The following TEX9 variants were observed in gnomAD, a reference collection of about 807,000 sequenced individuals.
TEX9 encodes testis expressed 9, also known as testis-expressed protein 9.
A neutral mutation model predicts 59.6 loss-of-function variants in TEX9; 74 were observed. The observed-to-expected ratio is 1.24, with a 90% CI of 1.03 to 1.51. The LOEUF is 1.51. Among genes scored for constraint, TEX9 ranks in the 40% most tolerant of loss-of-function variants. The pLI, the probability that TEX9 is intolerant of heterozygous loss-of-function variation, is 0.00. For missense variants in TEX9, 522 were observed against 447.8 expected, an observed-to-expected ratio of 1.17 and a Z score of -1.49; for synonymous variants, 186 against 152.2, an observed-to-expected ratio of 1.22 and a Z score of -1.64.
intron 1 of TEX9, among the ~76,000 whole-genome samples, chr15:56,284,112 G>C (rs2044883923): frequency 6.6e-6 from 1 of 152,142 alleles, no homozygotes; most frequent in Admixed American, 6.5e-5. Context: ...AATGTGTCAA[G>C]TGCCCTAAAA....
intron 1 of TEX9, among the ~76,000 whole-genome samples, chr15:56,303,781 A>G (rs2045415350): frequency 6.6e-6 from 1 of 152,166 alleles, no homozygotes; most frequent in African/African-American, 2.4e-5. Flanking sequence ...AAAAGTGAGA[A>G]GACCCAAATA....
intron 1 of TEX9, among the ~76,000 whole-genome samples, chr15:56,318,533 A>G (rs2045830313): frequency 6.6e-6 from 1 of 152,080 alleles, no homozygotes; most frequent in Non-Finnish European, 1.5e-5. Flanking sequence ...AAAATTACTG[A>G]TGAGGTAAGA....
intron 9 of TEX9, among the ~76,000 whole-genome samples, chr15:56,401,387 A>G (rs556509387): frequency 5.9e-5 from 9 of 152,148 alleles, no homozygotes; most frequent in African/African-American, 2.2e-4. Flanking sequence ...ACAAAGATCA[A>G]AAGAGAAAAG....
At chr15:56,380,310 A>G (rs2047666450) in intron 3 of TEX9, among the ~76,000 whole-genome samples, 1 of 152,154 alleles carries the variant, frequency 6.6e-6, no homozygotes, top group Non-Finnish European at 1.5e-5. Flanking sequence ...TACAAACTCT[A>G]CACTTTACTT....
Position 56,309,693 on chromosome 15 carries a change from GTTTTTTT to G in TEX9, c.-106-63723_-106-63717del, listed in dbSNP as rs60648387. Among the ~76,000 whole-genome samples the G allele has an allele frequency of 9.3e-3, 568 of 60,786 alleles. 10 individuals are homozygous for G. Among genetic ancestry groups the G allele is most frequent in the Middle Eastern group, 0.04 (2 of 50 alleles). 39.9% of individuals were successfully genotyped at this position (60,786 alleles called of 152,430 possible). A position where few individuals can be genotyped will look rare whatever the true frequency, so the allele number is the denominator to read the frequency against. ...TCTGGGCCTGGGATTTTTATGGGAA[GTTTTTTT>G]TTTTTTTTTTTTTTTTTTTTTTTTA... On this transcript the variant is annotated intron_variant, in intron 1 of 5. Transcript: ENST00000560827.
chr15:56,435,220 T>C (rs1384639382), intron 12 of TEX9, among the ~76,000 whole-genome samples: 2 of 151,984 alleles, frequency 1.3e-5, no homozygotes, highest in Non-Finnish European at 2.9e-5. Flanking sequence ...TGCATGTATG[T>C]AGGAAAAGTC....
chr15:56,354,168 A>C (rs1489796531), intron 1 of TEX9, among the ~76,000 whole-genome samples: 2 of 152,208 alleles, frequency 1.3e-5, no homozygotes, highest in Non-Finnish European at 2.9e-5. Context: ...AAGTCAACTG[A>C]GGACAGAGAC....
At chr15:56,271,699 A>G (rs1176179224) in intron 1 of TEX9, among the ~76,000 whole-genome samples, 1 of 152,240 alleles carries the variant, frequency 6.6e-6, no homozygotes, top group Non-Finnish European at 1.5e-5. Context: ...TTTGTATGGC[A>G]TATGACTTTC....
intron 8 of TEX9, 83 bp from the exon 9 acceptor site, chr15:56,394,578 A>T (rs2048365474): frequency 2.0e-6 from 2 of 1,012,532 alleles, no homozygotes; most frequent in Non-Finnish European, 2.9e-6. Flanking sequence ...ATCAAAGAAC[A>T]TATGAAACGT....
At chr15:56,369,870 ATT>A (rs2047111626) in intron 2 of TEX9, among the ~76,000 whole-genome samples, 1 of 152,146 alleles carries the variant, frequency 6.6e-6, no homozygotes, top group South Asian at 2.1e-4. Flanking sequence ...AAAATCATCA[ATT>A]ATAATTATAG....
chr15:56,375,864 A>G (rs2047420593), intron 3 of TEX9, among the ~76,000 whole-genome samples: 1 of 151,246 alleles, frequency 6.6e-6, no homozygotes, highest in South Asian at 2.1e-4. Context: ...AATGTGGCAC[A>G]TATACACCAT....
intron 1 of TEX9, among the ~76,000 whole-genome samples, chr15:56,340,061 C>T (rs527868560): frequency 6.6e-6 from 1 of 152,216 alleles, no homozygotes; most frequent in African/African-American, 2.4e-5. Context: ...TACCACTAAG[C>T]CTGTATCATT....
intron 1 of TEX9, among the ~76,000 whole-genome samples, chr15:56,325,548 A>G (rs557035349): frequency 6.6e-6 from 1 of 152,254 alleles, no homozygotes; most frequent in African/African-American, 2.4e-5. Flanking sequence ...CCTTAAGAAA[A>G]TGTTCATTAT....
chr15:56,416,642 T>G (rs754139463), intron 10 of TEX9, among the ~76,000 whole-genome samples: 7 of 151,916 alleles, frequency 4.6e-5, no homozygotes, highest in Non-Finnish European at 1.0e-4. Flanking sequence ...TGTATCAGTG[T>G]TCATCAAGGA....
chr15:56,445,206 C>CT (rs1489208758), intron 12 of TEX9, among the ~76,000 whole-genome samples: 4 of 151,982 alleles, frequency 2.6e-5, no homozygotes, highest in African/African-American at 9.7e-5. Context: ...ATTAAAGGCC[C>CT]TTTATCTGAA....
intron 1 of TEX9, among the ~76,000 whole-genome samples, chr15:56,244,440 T>G (rs1389713528): frequency 2.6e-5 from 4 of 152,014 alleles, no homozygotes; most frequent in African/African-American, 9.7e-5. Flanking sequence ...GGCCCCACTT[T>G]AACTATCCAA....
chr15:56,394,066 CT>C, intron 7 of TEX9, 98 bp from the exon 8 acceptor site: 1 of 1,103,790 alleles, frequency 9.1e-7, no homozygotes, highest in Non-Finnish European at 1.3e-6. Context: ...GACTCCCCAT[CT>C]TGAGTATTTT....
intron 1 of TEX9, among the ~76,000 whole-genome samples, chr15:56,327,075 G>T (rs2046034278): frequency 6.6e-6 from 1 of 152,038 alleles, no homozygotes; most frequent in South Asian, 2.1e-4. Context: ...TTAACATTTT[G>T]ATATTCTTTC....
At chr15:56,392,941 G>C (rs1444955641) in intron 7 of TEX9, among the ~76,000 whole-genome samples, 1 of 152,096 alleles carries the variant, frequency 6.6e-6, no homozygotes, top group African/African-American at 2.4e-5. Flanking sequence ...TCTTATTTTA[G>C]ATGATTGCTT....
Sources: gnomAD v4.1 joint callset for allele counts (sites outside exome capture counted in the v4.1 genomes callset) on GRCh38, gnomAD v4.1.1 for gene constraint, MANE v1.5 for transcripts, NCBI Gene and HGNC (gene_info 2026-07-23, HGNC 2026-07-21) for gene names.